Variants in DNAH17 observed in about 807,000 individuals in gnomAD.
DNAH17 encodes the protein axonemal beta dynein heavy chain 17.
DNAH17 carries 376 observed loss-of-function variants against 485.6 expected under a neutral mutation model. The ratio of observed to expected loss-of-function variants is 0.77; its 90% confidence interval spans 0.71 to 0.84. DNAH17 has a LOEUF of 0.84. Ranked by LOEUF, DNAH17 falls within the 40% of genes least tolerant of loss-of-function variation. The pLI is 0.00. For synonymous variants in DNAH17, 3,031 were observed against 2,405.9 expected (o/e 1.26, Z -7.60); for missense variants, 6,370 against 5,839.3 (o/e 1.09, Z -2.96).
Position 78,571,691 on chromosome 17 carries a change from C to G in DNAH17, c.631G>C (p.Asp211His). The change falls in exon 4 of 81, where the codon GAC becomes CAC. Residue 211 changes from aspartate to histidine, a missense_variant. Asp to His is a moderately conservative substitution (Grantham distance 81). Transcript: ENST00000389840. ...SHQIRDVLSK[D>H]SAQALLDGLH... ...CCATCCAGCAGCGCCTGGGCTGAGT[C>G]TTTGCTCAGCACATCCCGGATCTGG... 6.2e-7 allele frequency: 1 copy of G among 1,613,988 alleles called. No individual in the cohort carries two copies. Among genetic ancestry groups the G allele is most frequent in the Non-Finnish European group, 8.5e-7 (1 of 1,179,874 alleles).
At chr17:78,564,509 G>A (rs1379766067) in intron 11 of DNAH17, among the ~76,000 whole-genome samples, 1 of 151,032 alleles carries the variant, frequency 6.6e-6, no homozygotes, top group African/African-American at 2.4e-5. Flanking sequence ...TAATTTTGGA[G>A]ACCCAAAAGT....
At chr17:78,570,494 G>C (rs2092336154) in intron 6 of DNAH17, 122 bp from the exon 7 acceptor site, 18 of 1,315,938 alleles carry the variant, frequency 1.4e-5, no homozygotes, top group Non-Finnish European at 1.8e-5. Flanking sequence ...CCAAAGAGGA[G>C]GGGAGAGGCA....
At chr17:78,504,726 C>A (rs964933238) in intron 31 of DNAH17, among the ~76,000 whole-genome samples, 1 of 152,040 alleles carries the variant, frequency 6.6e-6, no homozygotes, top group Non-Finnish European at 1.5e-5. Flanking sequence ...AGCCGGGGGA[C>A]GCGCTTGCTG....
At chr17:78,502,396 G>A (rs546721347) in intron 33 of DNAH17, 195 bp downstream of exon 33, 34 of 499,556 alleles carry the variant, frequency 6.8e-5, no homozygotes, top group African/African-American at 9.9e-5. Flanking sequence ...TCTGTTACTC[G>A]TGGGGAGAGG....
intron 14 of DNAH17, among the ~76,000 whole-genome samples, chr17:78,555,026 C>T (rs991069198): frequency 2.2e-4 from 33 of 152,212 alleles, no homozygotes; most frequent in Non-Finnish European, 4.3e-4. Context: ...AGATTACAGG[C>T]ATGAGCCACT....
At position 78,497,294 on chromosome 17, in the gene DNAH17, G is replaced by A. The variant is rs531668477; in HGVS notation, c.5746-1262C>T. ...CACCACTTGAGGGGGCCCAATACTC[G>A]CGGTAAAGCTGCTCCCAGCACCTGC... is the stretch of plus-strand genomic sequence containing the variant. On this transcript the variant is annotated intron_variant, in intron 37 of 80. Coordinates refer to ENST00000389840, the MANE Select transcript of DNAH17 (RefSeq NM_173628.4). Among the ~76,000 whole-genome samples the A allele has an allele frequency of 2.1e-4, 32 of 152,230 alleles. No homozygotes were observed. The South Asian group carries it at 4.8e-3, about 23-fold the overall frequency.
chr17:78,508,313 T>A (rs2090543461), intron 27 of DNAH17, among the ~76,000 whole-genome samples: 2 of 152,172 alleles, frequency 1.3e-5, no homozygotes, highest in African/African-American at 4.8e-5. Context: ...TTCTCATCAC[T>A]AGGATGGGAA....
chr17:78,454,429 G>A, intron 64 of DNAH17, 41 bp downstream of exon 64: 1 of 1,538,788 alleles, frequency 6.5e-7, no homozygotes, highest in South Asian at 1.2e-5. Flanking sequence ...GTGCTTCCAA[G>A]CAGAGCCGGG....
intron 78 of DNAH17, 132 bp from the exon 79 acceptor site, chr17:78,426,732 C>A: frequency 7.3e-7 from 1 of 1,373,096 alleles, no homozygotes; most frequent in Non-Finnish European, 1.0e-6. Flanking sequence ...TGCATCAGGG[C>A]CACGCAAGCG....
At chr17:78,493,385 C>T (rs1342552349) in intron 41 of DNAH17, among the ~76,000 whole-genome samples, 1 of 152,210 alleles carries the variant, frequency 6.6e-6, no homozygotes, top group African/African-American at 2.4e-5. Flanking sequence ...AAGTAATACG[C>T]ACTCACTGAA....
At chr17:78,473,372 G>A (rs955976243) in intron 54 of DNAH17, among the ~76,000 whole-genome samples, 24 of 151,902 alleles carry the variant, frequency 1.6e-4, no homozygotes, top group Non-Finnish European at 2.1e-4. Flanking sequence ...GTGAAACCCC[G>A]TCTCTACTAA....
In DNAH17 at chr17:78,480,316, T is replaced by G. The variant is rs537739087; in HGVS notation, c.7752+368A>C. ...GTGAGCTCAGATCACACCATTGCACTCCAGCCTGGGTGACAGAGTGAGACT... is the reference window on the plus strand; with the variant it reads ...GTGAGCTCAGATCACACCATTGCACGCCAGCCTGGGTGACAGAGTGAGACT... On this transcript the variant is annotated intron_variant, in intron 49 of 80. Transcript: ENST00000389840. 1.6e-4 allele frequency among the ~76,000 whole-genome samples: 24 copies of G among 152,100 alleles called. No homozygotes were observed. In the East Asian group the frequency reaches 4.6e-3, roughly 29 times the overall value.
At chr17:78,545,889 T>A (rs2091747533) in intron 16 of DNAH17, among the ~76,000 whole-genome samples, 1 of 152,232 alleles carries the variant, frequency 6.6e-6, no homozygotes. Context: ...TTTTTGCCTC[T>A]AGTTGTTCTT....
At chr17:78,495,843 T>C (rs777883024) in intron 38 of DNAH17, 32 bp downstream of exon 38, 8 of 1,601,124 alleles carry the variant, frequency 5.0e-6, no homozygotes, top group Non-Finnish European at 6.0e-6. Context: ...CCTGGCTCAC[T>C]GCAGCCACTC....
chr17:78,553,281 G>GTTTTTT (rs2091944110), intron 14 of DNAH17, among the ~76,000 whole-genome samples: 1 of 42,092 alleles, frequency 2.4e-5, no homozygotes, highest in South Asian at 7.6e-4. Flanking sequence ...CCAGGTTTTT[G>GTTTTTT]TGTTTTTTTT....
intron 56 of DNAH17, among the ~76,000 whole-genome samples, chr17:78,464,137 A>T (rs2088292070): frequency 6.6e-6 from 1 of 152,210 alleles, no homozygotes; most frequent in Non-Finnish European, 1.5e-5. Flanking sequence ...GATGGTAATA[A>T]AGGGAGGTTT....
At position 78,426,433 on chromosome 17, in the gene DNAH17, C is replaced by T. The variant is rs968933995; in HGVS notation, c.12915+24G>A. On this transcript the variant is annotated intron_variant, in intron 79 of 80. Transcript: ENST00000389840. ...CACTCGGTCCCCGAGTCTTAGGAAG[C>T]CTCTCAGAGAAAACGGCACTTACCC... 7 of 1,571,248 alleles carry T rather than the reference C, an allele frequency of 4.5e-6. No individual in the cohort carries two copies. In the African/African-American group the frequency reaches 6.8e-5, roughly 15 times the overall value.
At chr17:78,571,106 C>G in intron 5 of DNAH17, 73 bp from the exon 6 acceptor site, 2 of 1,420,380 alleles carry the variant, frequency 1.4e-6, no homozygotes, top group Non-Finnish European at 1.9e-6. Context: ...GGTGCGGCTC[C>G]ATGTGCTGAG....
chr17:78,437,737 G>A lies in DNAH17; in HGVS notation c.11937C>T (p.Ile3979=), dbSNP rs1288161363. 2 of 1,612,492 alleles carry A rather than the reference G, an allele frequency of 1.2e-6. No individual in the cohort carries two copies. Among genetic ancestry groups the A allele is most frequent in the African/African-American group, 1.3e-5 (1 of 74,930 alleles). The change falls in exon 74 of 81, where the codon ATC becomes ATT. Residue 3979 remains isoleucine, a synonymous_variant. Coordinates refer to ENST00000389840, the MANE Select transcript of DNAH17 (RefSeq NM_173628.4). ...EPAPSPETHI[I]PQGILENAIK... ...TGGCGTTCTCCAGAATGCCCTGGGGGATGATGTGGGTCTCGGGGCTGGGGG... is the reference window on the plus strand; with the variant it reads ...TGGCGTTCTCCAGAATGCCCTGGGGAATGATGTGGGTCTCGGGGCTGGGGG...
Sources: allele counts gnomAD v4.1 joint callset (sites outside exome capture counted in the v4.1 genomes callset), GRCh38; gene constraint gnomAD v4.1.1; transcripts MANE v1.5; gene names NCBI Gene and HGNC (gene_info 2026-07-23, HGNC 2026-07-21).